Variants in FSTL5 observed in about 807,000 individuals in gnomAD.
The protein encoded by FSTL5 is follistatin like 5, also known as follistatin-related protein 5.
Under a neutral mutation model 89.1 loss-of-function variants are expected in FSTL5, and 62 were observed. The ratio of observed to expected loss-of-function variants is 0.70; its 90% CI spans 0.57 to 0.86. FSTL5 has a LOEUF of 0.86. FSTL5 is among the 40% of genes least tolerant of loss of function. The pLI is 0.00. For missense variants in FSTL5, 1,057 were observed against 1,001.6 expected (o/e 1.06, Z -0.75); for synonymous variants, 383 against 346.2 (o/e 1.11, Z -1.18).
chr4:161,392,878 G>A (rs978836494), intron 15 of FSTL5, among the ~76,000 whole-genome samples: 13 of 152,022 alleles, frequency 8.6e-5, no homozygotes, highest in Admixed American at 2.6e-4. Flanking sequence ...AAAGGCAAAC[G>A]CAAGGCCGGG....
chr4:161,986,691 A>T (rs1735972701), intron 3 of FSTL5, among the ~76,000 whole-genome samples: 1 of 152,186 alleles, frequency 6.6e-6, no homozygotes, highest in Non-Finnish European at 1.5e-5. Flanking sequence ...TGGAGAGTGG[A>T]GGCCAATTTT....
chr4:161,560,210 A>G (rs1732543706), intron 8 of FSTL5, among the ~76,000 whole-genome samples: 1 of 152,022 alleles, frequency 6.6e-6, no homozygotes, highest in Admixed American at 6.6e-5. Flanking sequence ...CTAAACATAT[A>G]AAAGGTGAAG....
At chr4:161,934,996 T>C (rs1391115703) in intron 3 of FSTL5, among the ~76,000 whole-genome samples, 1 of 152,174 alleles carries the variant, frequency 6.6e-6, no homozygotes, top group Non-Finnish European at 1.5e-5. Flanking sequence ...GATGGTTCAA[T>C]TATGGTGCAT....
intron 6 of FSTL5, among the ~76,000 whole-genome samples, chr4:161,747,442 T>G (rs890434608): frequency 2.0e-5 from 3 of 152,214 alleles, no homozygotes; most frequent in African/African-American, 7.2e-5. Flanking sequence ...ATTTACTTGT[T>G]TATTCAATAA....
chr4:161,402,669 G>T lies in FSTL5; in HGVS notation c.1842-16220C>A, dbSNP rs192197869. ...GGTCTGATCTGCTATCACTTTTATA[G>T]CAATTGCAACACCTTTTATAGAGCT... On this transcript the variant is annotated intron_variant, in intron 15 of 15. Coordinates refer to ENST00000306100, the MANE Select transcript of FSTL5 (RefSeq NM_020116.5). Among the ~76,000 whole-genome samples, 191 of 152,210 alleles carry T rather than the reference G, an allele frequency of 1.3e-3. 1 individual carries two copies. Among genetic ancestry groups the T allele is most frequent in the African/African-American group, 4.5e-3 (188 of 41,548 alleles).
chr4:161,769,429 A>C (rs1422453614), intron 5 of FSTL5, among the ~76,000 whole-genome samples: 1 of 152,016 alleles, frequency 6.6e-6, no homozygotes, highest in East Asian at 1.9e-4. Flanking sequence ...TTGACGCAAA[A>C]GTCCTCAGCA....
intron 2 of FSTL5, among the ~76,000 whole-genome samples, chr4:162,052,134 A>G (rs1387954549): frequency 6.6e-6 from 1 of 151,730 alleles, no homozygotes; most frequent in African/African-American, 2.4e-5. Context: ...GACTTGATGT[A>G]AAGAGTAGTT....
Position 161,660,980 on chromosome 4 carries a change from T to C in FSTL5, c.728-4486A>G, listed in dbSNP as rs1412837964. On this transcript the variant is annotated intron_variant, in intron 6 of 15. Coordinates refer to ENST00000306100, the MANE Select transcript of FSTL5 (RefSeq NM_020116.5). The stretch of plus-strand genomic sequence containing the variant: ...TTGTAATAGGATAATTAATATTGTA[T>C]TGTAATAGGATAATTAATATTGTAA... 2.6e-5 allele frequency among the ~76,000 whole-genome samples: 4 copies of C among 152,218 alleles called. No homozygotes were observed. In the East Asian group the frequency reaches 5.8e-4, roughly 22 times the overall value.
At chr4:161,397,435 GAA>G (rs1311703102) in intron 15 of FSTL5, among the ~76,000 whole-genome samples, 1 of 151,564 alleles carries the variant, frequency 6.6e-6, no homozygotes, top group Non-Finnish European at 1.5e-5. Flanking sequence ...TATCAGTAGG[GAA>G]AATATAGGCT....
chr4:161,908,126 TC>T (rs984126849), intron 4 of FSTL5, among the ~76,000 whole-genome samples: 3 of 151,408 alleles, frequency 2.0e-5, no homozygotes, highest in African/African-American at 7.3e-5. Context: ...AGAATGAGAG[TC>T]CCTGCAATGG....
intron 3 of FSTL5, among the ~76,000 whole-genome samples, chr4:161,973,906 A>C (rs978140986): frequency 5.3e-5 from 8 of 152,198 alleles, no homozygotes; most frequent in African/African-American, 1.9e-4. Context: ...GAACTTCAGC[A>C]AAGTCTCAGG....
At chr4:161,896,935 T>C (rs1407532251) in intron 4 of FSTL5, among the ~76,000 whole-genome samples, 1 of 152,066 alleles carries the variant, frequency 6.6e-6, no homozygotes, top group Non-Finnish European at 1.5e-5. Context: ...ATCTTTTGTT[T>C]GTTTGTTTGT....
rs886747533 is a variant in FSTL5, at chr4:161,971,044, A to T, written c.161-50392T>A. On this transcript the variant is annotated intron_variant, in intron 3 of 15. Transcript: ENST00000306100. ...ATCTGGGTATATAAATTATTTTATT[A>T]GGAAACAATAATGATTTCCTACTTA... Among the ~76,000 whole-genome samples, 10 of 132,828 alleles carry T rather than the reference A, an allele frequency of 7.5e-5. No homozygotes were observed. In the East Asian group the frequency reaches 2.0e-3, roughly 27 times the overall value. 87.1% of individuals were successfully genotyped at this position (132,828 alleles called of 152,430 possible).
At chr4:161,705,973 T>C (rs1264608860) in intron 6 of FSTL5, among the ~76,000 whole-genome samples, 2 of 83,140 alleles carry the variant, frequency 2.4e-5, no homozygotes, top group Admixed American at 1.2e-4. Flanking sequence ...TATATATATA[T>C]ATATATATAT....
At chr4:161,527,460 C>T (rs1376184040) in intron 10 of FSTL5, among the ~76,000 whole-genome samples, 1 of 151,972 alleles carries the variant, frequency 6.6e-6, no homozygotes, top group African/African-American at 2.4e-5. Context: ...AAAAAACAAA[C>T]AACCCCTTCA....
At chr4:162,138,813 G>A (rs1472058102) in intron 1 of FSTL5, among the ~76,000 whole-genome samples, 2 of 151,900 alleles carry the variant, frequency 1.3e-5, no homozygotes, top group East Asian at 1.9e-4. Context: ...ACACAAAATC[G>A]AAAATCTTTA....
intron 4 of FSTL5, among the ~76,000 whole-genome samples, chr4:161,800,406 G>C (rs994871421): frequency 1.3e-5 from 2 of 151,538 alleles, no homozygotes; most frequent in African/African-American, 4.8e-5. Context: ...CACATGGCCT[G>C]GCCAATTTTC....
chr4:161,762,768 G>A (rs754845188), intron 5 of FSTL5, among the ~76,000 whole-genome samples: 34 of 152,174 alleles, frequency 2.2e-4, no homozygotes, highest in South Asian at 1.5e-3. Context: ...ACTCCTCAAG[G>A]AGTCTGGTAG....
At chr4:162,036,513 A>C (rs1737747144) in intron 2 of FSTL5, among the ~76,000 whole-genome samples, 1 of 152,114 alleles carries the variant, frequency 6.6e-6, no homozygotes, top group Admixed American at 6.6e-5. Context: ...CCAGATACAT[A>C]AAGTTGGAAG....
Sources: allele counts gnomAD v4.1 joint callset (sites outside exome capture counted in the v4.1 genomes callset), GRCh38; gene constraint gnomAD v4.1.1; transcripts MANE v1.5; gene names NCBI Gene and HGNC (gene_info 2026-07-23, HGNC 2026-07-21).